Variants in EPB41L3 observed in about 807,000 individuals in gnomAD.
The protein encoded by EPB41L3 is erythrocyte membrane protein band 4.1 like 3.
In EPB41L3, 57 loss-of-function variants were observed where a neutral mutation model predicts 127.1. That is an observed-to-expected ratio of 0.45 (90% confidence interval 0.36 to 0.56). The LOEUF (loss-of-function observed/expected upper bound fraction) is 0.56, where lower values mean the gene tolerates loss of function less well. EPB41L3 is among the 20% of genes least tolerant of loss of function. The pLI is 0.00. For missense variants in EPB41L3, 1,273 were observed against 1,372.2 expected, an observed-to-expected ratio of 0.93 and a Z score of 1.14; for synonymous variants, 572 against 549.5, an observed-to-expected ratio of 1.04 and a Z score of -0.57.
intron 1 of EPB41L3, among the ~76,000 whole-genome samples, chr18:5,535,494 T>C (rs2093545639): frequency 6.6e-6 from 1 of 152,152 alleles, no homozygotes; most frequent in Admixed American, 6.5e-5. Flanking sequence ...CAAAATGGTA[T>C]AAAACACCAA....
At chr18:5,583,179 T>G (rs142536494) in intron 3 of EPB41L3, among the ~76,000 whole-genome samples, 1,789 of 152,320 alleles carry the variant, frequency 0.012, 16 homozygotes, top group Non-Finnish European at 0.017. Context: ...ACAACTGTCA[T>G]AGAACACAGT....
intron 1 of EPB41L3, among the ~76,000 whole-genome samples, chr18:5,506,852 C>T (rs2092242285): frequency 6.6e-6 from 1 of 152,142 alleles, no homozygotes; most frequent in Non-Finnish European, 1.5e-5. Flanking sequence ...CTGCTATATC[C>T]TTAAAAAGAT....
At chr18:5,469,856 C>T (rs1423769516) in intron 3 of EPB41L3, among the ~76,000 whole-genome samples, 6 of 151,444 alleles carry the variant, frequency 4.0e-5, no homozygotes, top group African/African-American at 1.5e-4. Context: ...TCACTGCAAC[C>T]TCTGCCTCCC....
chr18:5,586,363 T>C (rs544334599), intron 3 of EPB41L3, among the ~76,000 whole-genome samples: 4 of 151,830 alleles, frequency 2.6e-5, no homozygotes, highest in Non-Finnish European at 5.9e-5. Context: ...TGATTTCTTT[T>C]AAAGCAATGT....
chr18:5,401,092 C>T (rs2074422934), intron 16 of EPB41L3: 1 of 1,195,664 alleles, frequency 8.4e-7, no homozygotes, highest in East Asian at 2.6e-5. Context: ...TAGACAGTTT[C>T]CAAAAAGGCA....
At chr18:5,471,225 G>T (rs180707403) in intron 3 of EPB41L3, among the ~76,000 whole-genome samples, 29 of 152,298 alleles carry the variant, frequency 1.9e-4, no homozygotes, top group African/African-American at 6.3e-4. Context: ...GGGAAAGCTT[G>T]CTTTCTTTCT....
At chr18:5,485,551 C>T (rs2089601976) in intron 2 of EPB41L3, among the ~76,000 whole-genome samples, 1 of 151,892 alleles carries the variant, frequency 6.6e-6, no homozygotes, top group Non-Finnish European at 1.5e-5. Flanking sequence ...AAGAAGTCAA[C>T]TTAGTCTTGT....
Position 5,394,670 on chromosome 18 carries a change from C to T in EPB41L3, c.*6+7G>A, listed in dbSNP as rs373966644. On this transcript the variant is annotated splice_region_variant and intron_variant, in intron 22 of 22. Transcript: ENST00000341928. ...GGCAAGCCTAGAGAATCGGCATCAC[C>T]TCTTACCTCTGGTCAATCCTCTCCA... is the stretch of plus-strand genomic sequence containing the variant. 5.2e-5 allele frequency: 84 copies of T among 1,611,104 alleles called. No individual in the cohort carries two copies. Among genetic ancestry groups the T allele is most frequent in the East Asian group, 2.7e-4 (12 of 44,870 alleles).
At chr18:5,521,527 A>C (rs1043849500) in intron 1 of EPB41L3, 1 of 152,262 alleles carries the variant, frequency 6.6e-6, no homozygotes, top group Non-Finnish European at 1.5e-5. Context: ...GGATATCATA[A>C]GAAATGCTTG....
chr18:5,434,145 A>C, intron 6 of EPB41L3, 24 bp from the exon 7 acceptor site: 2 of 1,596,586 alleles, frequency 1.3e-6, no homozygotes, highest in Non-Finnish European at 1.7e-6. Context: ...AAAGCACAAC[A>C]CAACGAAGGC....
intron 3 of EPB41L3, among the ~76,000 whole-genome samples, chr18:5,598,372 A>G (rs921953691): frequency 3.3e-5 from 5 of 152,226 alleles, no homozygotes; most frequent in Non-Finnish European, 5.9e-5. Context: ...CATTCTACTC[A>G]TTAAATTGTT....
At chr18:5,529,998 C>T (rs1275687352) in intron 1 of EPB41L3, among the ~76,000 whole-genome samples, 1 of 151,094 alleles carries the variant, frequency 6.6e-6, no homozygotes, top group Non-Finnish European at 1.5e-5. Flanking sequence ...TTCCCCTCTC[C>T]CTCACCTCCC....
chr18:5,427,220 A>C (rs1201103584), intron 9 of EPB41L3, among the ~76,000 whole-genome samples: 1 of 152,162 alleles, frequency 6.6e-6, no homozygotes, highest in Non-Finnish European at 1.5e-5. Flanking sequence ...CCAGTAGAGA[A>C]GTAGATTTTG....
At chr18:5,570,548 A>G (rs1480644866) in intron 3 of EPB41L3, among the ~76,000 whole-genome samples, 1 of 152,182 alleles carries the variant, frequency 6.6e-6, no homozygotes, top group African/African-American at 2.4e-5. Flanking sequence ...ACCAGCTTCT[A>G]GAATACAGCC....
chr18:5,572,322 A>G (rs1342032950), intron 3 of EPB41L3, among the ~76,000 whole-genome samples: 1 of 152,242 alleles, frequency 6.6e-6, no homozygotes, highest in East Asian at 1.9e-4. Context: ...AAAAGACATT[A>G]AAAATATACA....
intron 3 of EPB41L3, among the ~76,000 whole-genome samples, chr18:5,551,736 T>A (rs953143484): frequency 5.9e-5 from 9 of 152,166 alleles, no homozygotes; most frequent in African/African-American, 2.2e-4. Context: ...ACAAAATTTT[T>A]AAGGCACTGA....
At chr18:5,438,159 ACT>A (rs2080143909) in intron 5 of EPB41L3, 49 bp from the exon 6 acceptor site, 2 of 1,564,492 alleles carry the variant, frequency 1.3e-6, no homozygotes, top group Non-Finnish European at 1.7e-6. Flanking sequence ...AATTCTTATG[ACT>A]CTAATCGATG....
chr18:5,404,474 C>T (rs2075036325), intron 16 of EPB41L3, among the ~76,000 whole-genome samples: 3 of 152,260 alleles, frequency 2.0e-5, no homozygotes, highest in Middle Eastern at 3.4e-3. Context: ...AAAATCCTTT[C>T]CTGGCGTTCT....
intron 1 of EPB41L3, among the ~76,000 whole-genome samples, chr18:5,539,225 G>C (rs1447588092): frequency 7.1e-6 from 1 of 140,388 alleles, no homozygotes; most frequent in Non-Finnish European, 1.5e-5. Flanking sequence ...TTGTTTTCTA[G>C]GTCTAATATA....
Sources: gnomAD v4.1 joint callset for allele counts (sites outside exome capture counted in the v4.1 genomes callset) on GRCh38, gnomAD v4.1.1 for gene constraint, MANE v1.5 for transcripts, NCBI Gene and HGNC (gene_info 2026-07-23, HGNC 2026-07-21) for gene names.